The following SYNPO variants were observed in gnomAD, a reference collection of about 807,000 sequenced individuals.
The protein encoded by SYNPO is synaptopodin.
In SYNPO, 19 loss-of-function variants were observed where a neutral mutation model predicts 49.5. The observed-to-expected ratio is 0.38, with a 90% confidence interval of 0.27 to 0.56. SYNPO has a LOEUF of 0.56. Among genes scored for constraint, SYNPO ranks in the 20% least tolerant of loss-of-function variants. SYNPO has a pLI of 0.68. For missense variants in SYNPO, 1,131 were observed against 1,248.3 expected, an observed-to-expected ratio of 0.91 and a Z score of 1.42; for synonymous variants, 536 against 548.0, an observed-to-expected ratio of 0.98 and a Z score of 0.31.
chr5:150,648,611 T>C lies in SYNPO; in HGVS notation c.336T>C (p.Ser112=), dbSNP rs1354003987. Residue 112 remains serine (S), a synonymous_variant, in exon 2 of 3, where the codon TCT becomes TCC. Transcript: ENST00000307662. This position sits in a 1 kb window ranked among gnomAD's most constrained non-coding sequence, Gnocchi z 5.0. The stretch of plus-strand genomic sequence containing the variant: ...TTGTCCCACAGAGCCTGCCACTTTC[T>C]AGCATCCAACAGAATTCCTCAGAGG... The part of the protein sequence containing the change: ...ATVVPQSLPL[S]SIQQNSSEAQ... 6.2e-7 allele frequency: 1 copy of C among 1,614,098 alleles called. No homozygotes were observed. Among genetic ancestry groups the C allele is most frequent in the Non-Finnish European group, 8.5e-7 (1 of 1,180,056 alleles).
intron 2 of SYNPO, among the ~76,000 whole-genome samples, chr5:150,626,658 C>A (rs1459993417): frequency 3.3e-5 from 5 of 152,336 alleles, no homozygotes; most frequent in East Asian, 1.9e-4. Context: ...AGGAAAAAAA[C>A]CAACCAAATC....
At chr5:150,597,478 C>A (rs918861202), upstream of SYNPO, among the ~76,000 whole-genome samples, 2 of 152,042 alleles carry the variant, frequency 1.3e-5, no homozygotes, top group African/African-American at 2.4e-5. Context: ...ATTACAGGCA[C>A]GCGTCACCAC....
chr5:150,618,432 C>T, exon 2 of SYNPO: 6 of 1,551,654 alleles, frequency 3.9e-6, no homozygotes, highest in Non-Finnish European at 4.4e-6. Flanking sequence ...ACCCCCTGCG[C>T]CTTCCAGATC....
In SYNPO at chr5:150,633,602, G is replaced by A. The variant is rs74717277; in HGVS notation, c.401-14342G>A. ...ACATGGGATGAGAGGATAAGGCCCCGAGGTGGGGCACCTCATGAGGCTGTG... is the reference window on the plus strand; with the variant it reads ...ACATGGGATGAGAGGATAAGGCCCCAAGGTGGGGCACCTCATGAGGCTGTG... On this transcript the variant is annotated intron_variant, in intron 2 of 2. Coordinates refer to the SYNPO transcript ENST00000394243. 0.014 allele frequency among the ~76,000 whole-genome samples: 2,176 copies of A among 152,318 alleles called. 98 individuals carry two copies. The East Asian group carries it at 0.18, about 12-fold the overall frequency.
At chr5:150,600,777 A>G (rs1372680605), upstream of SYNPO, among the ~76,000 whole-genome samples, 1 of 152,032 alleles carries the variant, frequency 6.6e-6, no homozygotes, top group Non-Finnish European at 1.5e-5. Context: ...TTGGAAACAT[A>G]TTTATTTTTA....
At chr5:150,617,310 T>A (rs993167637) in intron 1 of SYNPO, among the ~76,000 whole-genome samples, 1 of 152,130 alleles carries the variant, frequency 6.6e-6, no homozygotes, top group Non-Finnish European at 1.5e-5. Flanking sequence ...TCTTTTGTTT[T>A]TTTTGGCTGA....
exon 2 of SYNPO, chr5:150,618,761 A>G: frequency 6.4e-7 from 1 of 1,551,182 alleles, no homozygotes; most frequent in Non-Finnish European, 8.7e-7. Context: ...AGTGGCCCAG[A>G]AACCAGGTAA....
intron 2 of SYNPO, among the ~76,000 whole-genome samples, chr5:150,655,018 G>A (rs1397590615): frequency 6.6e-6 from 1 of 152,080 alleles, no homozygotes; most frequent in Non-Finnish European, 1.5e-5. Context: ...CCAGCTACTC[G>A]GGAGGCTGAG....
chr5:150,623,001 C>A (rs1013666006), intron 2 of SYNPO, among the ~76,000 whole-genome samples: 20 of 152,366 alleles, frequency 1.3e-4, no homozygotes, highest in African/African-American at 4.6e-4. Flanking sequence ...CCCTCAGACA[C>A]ACATCCATGC....
the SYNPO span, among the ~76,000 whole-genome samples, chr5:150,595,466 C>T: frequency 6.6e-6 from 1 of 152,188 alleles, no homozygotes; most frequent in Non-Finnish European, 1.5e-5. Flanking sequence ...AGTTGGGTCT[C>T]CACACTTGGC....
intron 1 of SYNPO, among the ~76,000 whole-genome samples, chr5:150,609,199 G>A (rs1198755467): frequency 6.6e-6 from 1 of 152,252 alleles, no homozygotes; most frequent in Non-Finnish European, 1.5e-5. Context: ...TGTTGAGACA[G>A]TGTGGCTGGC....
chr5:150,643,484 G>A (rs191775746), intron 1 of SYNPO, among the ~76,000 whole-genome samples: 5 of 152,196 alleles, frequency 3.3e-5, no homozygotes, highest in Admixed American at 2.0e-4. Flanking sequence ...AAGGGGATCT[G>A]ATGTATCTGC....
In SYNPO at chr5:150,649,495, G is replaced by A. The variant is rs747687058; in HGVS notation, c.1220G>A (p.Arg407Gln). 4 of 1,613,566 alleles carry A rather than the reference G, an allele frequency of 2.5e-6. No homozygotes were observed. The highest frequency in any genetic ancestry group is 1.1e-5 in the South Asian group (1 of 91,042). ...DLVQTADEKRRQRDQGEVGVE... is the reference protein window; with the variant it reads ...DLVQTADEKRQQRDQGEVGVE... ...GTACAGACAGCGGATGAGAAGCGGCGGCAGAGGGACCAGGGGGAGGTAGGC... is the reference window on the plus strand; with the variant it reads ...GTACAGACAGCGGATGAGAAGCGGCAGCAGAGGGACCAGGGGGAGGTAGGC... The change falls in exon 2 of 3, where the codon CGG (arginine) becomes CAG (glutamine). Residue 407 changes from arginine to glutamine, a missense_variant. This residue lies in a region of SYNPO where 602 missense variants were observed against 720.7 expected (regional missense o/e 0.84). Transcript: ENST00000307662.
At chr5:150,605,649 C>T (rs1441235654) in intron 1 of SYNPO, among the ~76,000 whole-genome samples, 2 of 152,024 alleles carry the variant, frequency 1.3e-5, no homozygotes. Flanking sequence ...AGGAGAAAAG[C>T]CTGGAGCTGC....
intron 1 of SYNPO, among the ~76,000 whole-genome samples, chr5:150,647,560 G>A (rs1193042468): frequency 6.6e-6 from 1 of 152,228 alleles, no homozygotes; most frequent in Admixed American, 6.5e-5. Flanking sequence ...AAGCAAGCCA[G>A]TGTGGCAGAG....
Position 150,658,657 on chromosome 5 carries a change from C to G in SYNPO, c.*1570C>G, listed in dbSNP as rs1363931048. The G allele has an allele frequency of 1.3e-5, 2 of 152,360 alleles. No homozygotes were observed. Among genetic ancestry groups the G allele is most frequent in the African/African-American group, 4.8e-5 (2 of 41,410 alleles). 9.4% of individuals were successfully genotyped at this position (152,360 alleles called of 1,614,324 possible). A position where few individuals can be genotyped will look rare whatever the true frequency, so the allele number is the denominator to read the frequency against. On this transcript the variant is annotated 3_prime_UTR_variant, in exon 3 of 3. Coordinates refer to ENST00000307662, the MANE Select transcript of SYNPO (RefSeq NM_007286.6). ...CAAACGTATGTAGGTGAAAGGATAC[C>G]AGGATGTTGCTAAAGGTGAGGGACA...
At position 150,650,089 on chromosome 5, in the gene SYNPO, G is replaced by A. The variant is rs778133627; in HGVS notation, c.1814G>A (p.Gly605Glu). The A allele has an allele frequency of 6.2e-7, 1 of 1,613,568 alleles. No individual in the cohort carries two copies. The highest frequency in any genetic ancestry group is 8.5e-7 in the Non-Finnish European group (1 of 1,179,962). The change falls in exon 2 of 3, where the codon GGG becomes GAG. Residue 605 changes from glycine to glutamate, a missense_variant. Around this residue, in one of 4 missense-constraint regions of SYNPO, gnomAD observed 509 missense variants for 484.5 expected, o/e 1.05. Coordinates refer to ENST00000307662, the MANE Select transcript of SYNPO (RefSeq NM_007286.6). ...GACCTGGTGCCCAACCTGCCCAAGG[G>A]GGCTCTCCCTCCATCTCCTGCCCTG... ...SLDLVPNLPKGALPPSPALPR... is the reference protein window; with the variant it reads ...SLDLVPNLPKEALPPSPALPR...
the SYNPO span, among the ~76,000 whole-genome samples, chr5:150,586,066 G>C: frequency 6.6e-6 from 1 of 152,258 alleles, no homozygotes; most frequent in Non-Finnish European, 1.5e-5. Context: ...GGATTCATTG[G>C]CATCAGGTTC....
chr5:150,610,864 G>A (rs898573933), intron 1 of SYNPO, among the ~76,000 whole-genome samples: 2 of 152,124 alleles, frequency 1.3e-5, no homozygotes, highest in African/African-American at 4.8e-5. Context: ...CTAAATAGTA[G>A]ACATATTCAG....
Sources: allele counts gnomAD v4.1 joint callset (sites outside exome capture counted in the v4.1 genomes callset), GRCh38; gene constraint gnomAD v4.1.1; regional missense constraint gnomAD v4.1.1; non-coding constraint Gnocchi (gnomAD v3.1); transcripts MANE v1.5; gene names NCBI Gene and HGNC (gene_info 2026-07-23, HGNC 2026-07-21).